Variants in ZNF429 observed in about 807,000 individuals in gnomAD.
ZNF429 encodes the protein zinc finger protein 429.
ZNF429 carries 53 observed loss-of-function variants against 56.8 expected under a neutral mutation model. The ratio of observed to expected loss-of-function variants is 0.93; its 90% CI spans 0.75 to 1.17. ZNF429 has a LOEUF of 1.17. Among genes scored for constraint, ZNF429 ranks in the 50% most tolerant of loss-of-function variants. The pLI is 0.00. For synonymous variants in ZNF429, 278 were observed against 264.7 expected, an observed-to-expected ratio of 1.05 and a Z score of -0.49; for missense variants, 849 against 788.4, an observed-to-expected ratio of 1.08 and a Z score of -0.92.
At chr19:21,534,257 T>C in intron 3 of ZNF429, among the ~76,000 whole-genome samples, 3 of 152,190 alleles carry the variant, frequency 2.0e-5, no homozygotes, top group Admixed American at 1.3e-4. Flanking sequence ...AGCAAGAAAA[T>C]GTTGAAGAGC....
At chr19:21,524,084 G>C (rs962913535) in intron 1 of ZNF429, among the ~76,000 whole-genome samples, 5 of 152,202 alleles carry the variant, frequency 3.3e-5, no homozygotes, top group Admixed American at 6.5e-5. Flanking sequence ...GAGCTTTTCA[G>C]ATCTTGTCCA....
In ZNF429 at chr19:21,537,555, A is replaced by C. The variant is rs1258828701; in HGVS notation, c.1502A>C (p.Lys501Thr). 1 of 1,612,906 alleles carries C rather than the reference A, an allele frequency of 6.2e-7. No individual in the cohort carries two copies. The part of the protein sequence containing the change: ...KQSSNLNSHK[K>T]IHSGEKPYKC... Reference sequence around the variant, plus strand: ...TCCTCAAACCTTAACAGTCATAAAAAAATTCATAGTGGAGAGAAACCCTAC... The same window carrying C: ...TCCTCAAACCTTAACAGTCATAAAACAATTCATAGTGGAGAGAAACCCTAC... The change falls in exon 4 of 4, where the codon AAA becomes ACA. Residue 501 changes from lysine (K) to threonine (T), a missense_variant. Physicochemically the swap from Lys to Thr is moderately conservative, Grantham distance 78 (BLOSUM62 -1). Coordinates refer to ENST00000358491, the MANE Select transcript of ZNF429 (RefSeq NM_001001415.4).
At chr19:21,510,825 A>G (rs940009389) in intron 1 of ZNF429, among the ~76,000 whole-genome samples, 11 of 152,138 alleles carry the variant, frequency 7.2e-5, no homozygotes, top group Non-Finnish European at 1.2e-4. Flanking sequence ...AACAAAGCAC[A>G]TCTTGCACCG....
chr19:21,524,079 T>C (rs2033079185), intron 1 of ZNF429, among the ~76,000 whole-genome samples: 1 of 149,900 alleles, frequency 6.7e-6, no homozygotes, highest in Non-Finnish European at 1.5e-5. Context: ...TCTTTGAGCT[T>C]TTCAGATCTT....
Position 21,529,792 on chromosome 19 carries a change from T to C in ZNF429, c.130+8T>C. On this transcript the variant is annotated splice_region_variant and intron_variant, in intron 2 of 3. Transcript: ENST00000358491. ...GAAACTTGGTCTTCCTGGGTGAGAA[T>C]AACTTCAATACAACATTCCTAATAT... 1 of 1,521,452 alleles carries C rather than the reference T, an allele frequency of 6.6e-7. No individual in the cohort carries two copies. The highest frequency in any genetic ancestry group is 9.0e-7 in the Non-Finnish European group (1 of 1,116,466). 94.2% of individuals were successfully genotyped at this position (1,521,452 alleles called of 1,614,324 possible). A position where few individuals can be genotyped will look rare whatever the true frequency, so the allele number is the denominator to read the frequency against.
chr19:21,538,938 C>T lies in ZNF429; in HGVS notation c.*860C>T, dbSNP rs1434624068. ...GGTTATAGTGCATTTACTTGTATCA[C>T]AGATCTTGTTGTACACATTTTATAC... On this transcript the variant is annotated 3_prime_UTR_variant, in exon 4 of 4. Coordinates refer to ENST00000358491, the MANE Select transcript of ZNF429 (RefSeq NM_001001415.4). Among the ~76,000 whole-genome samples, 1 of 152,136 alleles carries T rather than the reference C, an allele frequency of 6.6e-6. No individual in the cohort carries two copies. The highest frequency in any genetic ancestry group is 1.9e-4 in the East Asian group (1 of 5,194).
Position 21,531,121 on chromosome 19 carries a change from A to AAC in ZNF429, c.226+438_226+439insCA. ...AACTCCATCTCAAAAAAAAAAAAAA[A>AAC]AAAAAAAACCAAAAAAAAAAAAACA... On this transcript the variant is annotated intron_variant, in intron 3 of 3. Transcript: ENST00000358491. Among the ~76,000 whole-genome samples the AAC allele has an allele frequency of 8.4e-3, 886 of 104,862 alleles. 38 individuals carry two copies. The highest frequency in any genetic ancestry group is 0.019 in the East Asian group (74 of 3,880). The allele number at this position is 104,862 out of a possible 152,430, so 68.8% of individuals were successfully genotyped here.
Position 21,537,604 on chromosome 19 carries a change from T to G in ZNF429, c.1551T>G (p.Ala517=). ...KPYKCEECGK[A]FILSSRLTQH... ...ACAAATGTGAAGAATGTGGCAAAGC[T>G]TTTATCCTGTCCTCAAGACTTACTC... is the stretch of plus-strand genomic sequence containing the variant. The change falls in exon 4 of 4, where the codon GCT becomes GCG. Residue 517 remains alanine (A), a synonymous_variant. Transcript: ENST00000358491. 1 of 1,613,362 alleles carries G rather than the reference T, an allele frequency of 6.2e-7. No homozygotes were observed.
In ZNF429 at chr19:21,537,132, A is replaced by G. The variant is rs2033722539; in HGVS notation, c.1079A>G (p.Lys360Arg). Residue 360 changes from lysine to arginine, a missense_variant, in exon 4 of 4, where the codon AAG (lysine) becomes AGG (arginine). Transcript: ENST00000358491. ...TGGTCTTCAACTCTTACTAAACATA[A>G]GGTAATTCATACTGGAGAGAAGCCC... ...FNWSSTLTKH[K>R]VIHTGEKPYK... 1.2e-6 allele frequency: 2 copies of G among 1,613,742 alleles called. No individual in the cohort carries two copies. Among genetic ancestry groups the G allele is most frequent in the Non-Finnish European group, 1.7e-6 (2 of 1,179,860 alleles).
chr19:21,534,138 A>G, intron 3 of ZNF429, among the ~76,000 whole-genome samples: 1 of 151,372 alleles, frequency 6.6e-6, no homozygotes, highest in Non-Finnish European at 1.5e-5. Context: ...ATTTTAAACA[A>G]TATTTCTGTA....
intron 1 of ZNF429, among the ~76,000 whole-genome samples, chr19:21,516,278 G>A (rs369303906): frequency 4.0e-5 from 6 of 151,778 alleles, no homozygotes; most frequent in Non-Finnish European, 5.9e-5. Context: ...TAGTAGGGAC[G>A]GGGTTTCACC....
intron 3 of ZNF429, among the ~76,000 whole-genome samples, chr19:21,533,365 G>T: frequency 6.6e-6 from 1 of 151,734 alleles, no homozygotes; most frequent in Non-Finnish European, 1.5e-5. Flanking sequence ...ATATCCATGT[G>T]ATTTGCATAC....
At chr19:21,520,341 T>TA (rs1348775305) in intron 1 of ZNF429, among the ~76,000 whole-genome samples, 1 of 152,176 alleles carries the variant, frequency 6.6e-6, no homozygotes, top group Admixed American at 6.5e-5. Flanking sequence ...TAGGAGAAAA[T>TA]ATAAATTAGA....
Position 21,536,303 on chromosome 19 carries a change from G to C in ZNF429, c.250G>C (p.Asp84His), listed in dbSNP as rs2033666836. 2 of 1,577,390 alleles carry C rather than the reference G, an allele frequency of 1.3e-6. No individual in the cohort carries two copies. The highest frequency in any genetic ancestry group is 1.7e-6 in the Non-Finnish European group (2 of 1,165,960). ...PPVVCSHFAE[D>H]FWPEQDIKDS... is the part of the protein sequence containing the mutation. ...AGTTGTGTGTTCTCATTTTGCTGAAGACTTTTGGCCAGAGCAAGACATAAA... is the reference window on the plus strand; with the variant it reads ...AGTTGTGTGTTCTCATTTTGCTGAACACTTTTGGCCAGAGCAAGACATAAA... The change falls in exon 4 of 4, where the codon GAC (aspartate) becomes CAC (histidine). Residue 84 changes from aspartate (D) to histidine (H), a missense_variant. By Grantham distance (81) the Asp-to-His change is moderately conservative. Coordinates refer to ENST00000358491, the MANE Select transcript of ZNF429 (RefSeq NM_001001415.4).
At chr19:21,513,871 A>G (rs1182069506) in intron 1 of ZNF429, among the ~76,000 whole-genome samples, 1 of 152,120 alleles carries the variant, frequency 6.6e-6, no homozygotes, top group East Asian at 1.9e-4. Flanking sequence ...CCCACTAGAC[A>G]TTGACATGTC....
In ZNF429 at chr19:21,538,682, T is replaced by G. The variant is rs1294094650; in HGVS notation, c.*604T>G. On this transcript the variant is annotated 3_prime_UTR_variant, in exon 4 of 4. Transcript: ENST00000358491. ...TGTGTAGAATGTGGCAAAACTCGTT[T>G]TAACTAATGCTCACATCTTATTGCA... The G allele has an allele frequency of 3.9e-5, 6 of 152,238 alleles. No homozygotes were observed. In the East Asian group the frequency reaches 9.6e-4, roughly 24 times the overall value. 9.4% of individuals were successfully genotyped at this position (152,238 alleles called of 1,614,324 possible).
intron 1 of ZNF429, among the ~76,000 whole-genome samples, chr19:21,509,414 A>G (rs1175970962): frequency 1.3e-5 from 2 of 152,224 alleles, no homozygotes; most frequent in Non-Finnish European, 2.9e-5. Flanking sequence ...CTTGTTTTAT[A>G]TGAACATTGA....
chr19:21,513,796 C>T (rs531718844), intron 1 of ZNF429, among the ~76,000 whole-genome samples: 1 of 152,142 alleles, frequency 6.6e-6, no homozygotes, highest in Non-Finnish European at 1.5e-5. Context: ...AGGGAACGAT[C>T]TCTGATGACA....
chr19:21,531,106 C>CAAAAAAAAAAA, intron 3 of ZNF429, among the ~76,000 whole-genome samples: 2 of 17,556 alleles, frequency 1.1e-4, no homozygotes, highest in Non-Finnish European at 2.0e-4. Flanking sequence ...AACTCCATCT[C>CAAAAAAAAAAA]AAAAAAAAAA....
Sources: gnomAD v4.1 joint callset for allele counts (sites outside exome capture counted in the v4.1 genomes callset) on GRCh38, gnomAD v4.1.1 for gene constraint, MANE v1.5 for transcripts, NCBI Gene and HGNC (gene_info 2026-07-23, HGNC 2026-07-21) for gene names.